Variants in LRFN5 observed in about 807,000 individuals in gnomAD.
LRFN5 encodes the protein leucine rich repeat and fibronectin type III domain containing 5, also known as leucine-rich repeat and fibronectin type-III domain-containing protein 5.
LRFN5 carries 24 observed loss-of-function variants against 45.6 expected under a neutral mutation model. The observed-to-expected ratio is 0.53, with a 90% CI of 0.38 to 0.74. LRFN5 has a LOEUF of 0.74. LRFN5 is among the 30% of genes least tolerant of loss of function. LRFN5 has a pLI of 0.00. For synonymous variants in LRFN5, 340 were observed against 313.8 expected (o/e 1.08, Z -0.88); for missense variants, 776 against 861.5 (o/e 0.90, Z 1.24).
chr14:41,637,318 C>T (rs569502994), intron 1 of LRFN5, among the ~76,000 whole-genome samples: 1 of 152,160 alleles, frequency 6.6e-6, no homozygotes, highest in South Asian at 2.1e-4. Context: ...TGGTTTTCAG[C>T]TTGGTATGTT....
rs150974682 is a variant in LRFN5, at chr14:41,727,439, TATAAATAA to T, written c.-196-39399_-196-39392del. On this transcript the variant is annotated intron_variant, in intron 1 of 5. Coordinates refer to ENST00000298119, the MANE Select transcript of LRFN5 (RefSeq NM_152447.5). ...GGCAGCAAAGCAAAAATCCGATCTC[TATAAATAA>T]ATAAATAAATAAATAGGAAAGAAAA... Among the ~76,000 whole-genome samples, 15 of 150,682 alleles carry T rather than the reference TATAAATAA, an allele frequency of 1.0e-4. No individual in the cohort carries two copies. In the East Asian group the frequency reaches 1.4e-3, roughly 14 times the overall value.
chr14:41,674,024 G>A lies in LRFN5; in HGVS notation c.-197+65462G>A, dbSNP rs559210043. Among the ~76,000 whole-genome samples the A allele has an allele frequency of 1.8e-3, 265 of 148,056 alleles. 6 individuals carry two copies. The highest frequency in any genetic ancestry group is 6.1e-3 in the African/African-American group (245 of 40,144). ...TCACTTCCCAGACGCGGTGGCTGCC[G>A]GGCAGAGAGGCTCCTCACTTCTCAG... On this transcript the variant is annotated intron_variant, in intron 1 of 5. Transcript: ENST00000298119.
chr14:41,716,182 C>T (rs544952630), intron 1 of LRFN5, among the ~76,000 whole-genome samples: 9 of 152,164 alleles, frequency 5.9e-5, no homozygotes, highest in Non-Finnish European at 1.3e-4. Context: ...TCCTCCTCAG[C>T]CTTTGGGCCT....
chr14:41,738,997 T>C (rs1393972505), intron 1 of LRFN5, among the ~76,000 whole-genome samples: 3 of 152,200 alleles, frequency 2.0e-5, no homozygotes, highest in Non-Finnish European at 4.4e-5. Flanking sequence ...ATAGATCACA[T>C]GTTAGTCTAC....
At chr14:41,708,422 T>C (rs1195438070) in intron 1 of LRFN5, among the ~76,000 whole-genome samples, 1 of 152,132 alleles carries the variant, frequency 6.6e-6, no homozygotes, top group South Asian at 2.1e-4. Context: ...TAAGAACTTT[T>C]AAAAACAAAC....
At position 41,893,925 on chromosome 14, in the gene LRFN5, G is replaced by A. The variant is rs1341139406; in HGVS notation, c.2098+1963G>A. ...ATGAGGTCACATGTGGTCGTAGTTTGCGAAATCAAAAGCAGCACTCAGAGT... is the reference window on the plus strand; with the variant it reads ...ATGAGGTCACATGTGGTCGTAGTTTACGAAATCAAAAGCAGCACTCAGAGT... On this transcript the variant is annotated intron_variant, in intron 4 of 5. Transcript: ENST00000298119. The A allele has an allele frequency of 3.0e-6, 3 of 985,144 alleles. No homozygotes were observed. The Admixed American group carries it at 1.8e-4, about 61-fold the overall frequency. The allele number at this position is 985,144 out of a possible 1,614,324, so 61.0% of individuals were successfully genotyped here.
At chr14:41,871,976 G>A (rs1482308277) in intron 2 of LRFN5, among the ~76,000 whole-genome samples, 4 of 152,074 alleles carry the variant, frequency 2.6e-5, no homozygotes, top group Non-Finnish European at 5.9e-5. Context: ...GTTAGGGAAT[G>A]TGGGCTCAAT....
intron 1 of LRFN5, among the ~76,000 whole-genome samples, chr14:41,613,751 A>T (rs1378971167): frequency 1.3e-5 from 2 of 152,044 alleles, no homozygotes; most frequent in East Asian, 3.9e-4. Flanking sequence ...AAACTAATTC[A>T]TTCAATAGAT....
chr14:41,611,318 C>A (rs772497033), intron 1 of LRFN5, among the ~76,000 whole-genome samples: 4 of 152,166 alleles, frequency 2.6e-5, no homozygotes, highest in Non-Finnish European at 2.9e-5. Context: ...ATATTTCTGC[C>A]ACCTTTTTCT....
At chr14:41,680,583 T>C (rs976022972) in intron 1 of LRFN5, among the ~76,000 whole-genome samples, 5 of 152,168 alleles carry the variant, frequency 3.3e-5, no homozygotes, top group African/African-American at 1.2e-4. Flanking sequence ...AATGCAAATA[T>C]AGCTGCAGTG....
intron 2 of LRFN5, among the ~76,000 whole-genome samples, chr14:41,784,206 G>GC (rs1886636858): frequency 6.6e-6 from 1 of 152,030 alleles, no homozygotes; most frequent in Admixed American, 6.6e-5. Flanking sequence ...TAGCAGTGAA[G>GC]TGAATGAAGG....
At chr14:41,667,831 C>T (rs1335352975) in intron 1 of LRFN5, among the ~76,000 whole-genome samples, 1 of 152,048 alleles carries the variant, frequency 6.6e-6, no homozygotes, top group African/African-American at 2.4e-5. Context: ...CTGAGCATGG[C>T]TTCTGACAGT....
intron 1 of LRFN5, among the ~76,000 whole-genome samples, chr14:41,732,102 A>T (rs1265650562): frequency 6.6e-6 from 1 of 152,186 alleles, no homozygotes; most frequent in East Asian, 1.9e-4. Flanking sequence ...AGTAAATTGT[A>T]GTTAATTTTG....
intron 2 of LRFN5, among the ~76,000 whole-genome samples, chr14:41,830,019 T>C (rs1888427185): frequency 1.3e-5 from 2 of 151,466 alleles, no homozygotes; most frequent in Admixed American, 1.3e-4. Context: ...TCTCTAATTG[T>C]ATCTTAATAC....
At chr14:41,689,690 C>T (rs946793211) in intron 1 of LRFN5, among the ~76,000 whole-genome samples, 2 of 151,306 alleles carry the variant, frequency 1.3e-5, no homozygotes, top group African/African-American at 4.8e-5. Flanking sequence ...GTCAGGAGAT[C>T]GAGACCATCC....
At chr14:41,902,403 C>G (rs1057001920) in intron 5 of LRFN5, among the ~76,000 whole-genome samples, 3 of 151,766 alleles carry the variant, frequency 2.0e-5, no homozygotes, top group African/African-American at 7.2e-5. Flanking sequence ...TAGGAGCTAT[C>G]TATTGATAAG....
At chr14:41,836,886 T>C (rs1279065280) in intron 2 of LRFN5, among the ~76,000 whole-genome samples, 3 of 152,020 alleles carry the variant, frequency 2.0e-5, no homozygotes, top group East Asian at 1.9e-4. Flanking sequence ...GTGAGGAAGA[T>C]AGTAGCAGCA....
At chr14:41,764,786 G>C (rs868771936) in intron 1 of LRFN5, among the ~76,000 whole-genome samples, 1 of 120,088 alleles carries the variant, frequency 8.3e-6, no homozygotes, top group Middle Eastern at 4.2e-3. Flanking sequence ...ACTAACATGT[G>C]TGCAGAATAC....
At chr14:41,750,356 T>G (rs918103288) in intron 1 of LRFN5, among the ~76,000 whole-genome samples, 1 of 150,160 alleles carries the variant, frequency 6.7e-6, no homozygotes, top group Non-Finnish European at 1.5e-5. Context: ...GAGAGAGAGA[T>G]AATGGAAAGA....
Sources: allele counts gnomAD v4.1 joint callset (sites outside exome capture counted in the v4.1 genomes callset), GRCh38; gene constraint gnomAD v4.1.1; transcripts MANE v1.5; gene names NCBI Gene and HGNC (gene_info 2026-07-23, HGNC 2026-07-21).